Variants in DHTKD1 observed in about 807,000 individuals in gnomAD.
DHTKD1 encodes 2-oxoadipate dehydrogenase complex component E1.
Under a neutral mutation model 101.8 loss-of-function variants are expected in DHTKD1, and 78 were observed. The ratio of observed to expected loss-of-function variants is 0.77; its 90% confidence interval spans 0.64 to 0.93. The LOEUF (loss-of-function observed/expected upper bound fraction) is 0.93. Ranked by LOEUF, DHTKD1 falls within the 40% of genes least tolerant of loss-of-function variation. The pLI is 0.00. For synonymous variants in DHTKD1, 462 were observed against 450.3 expected (o/e 1.03, Z -0.33); for missense variants, 1,223 against 1,161.7 (o/e 1.05, Z -0.77).
At chr10:12,070,375 C>T (rs2131343414) in intron 1 of DHTKD1, among the ~76,000 whole-genome samples, 1 of 152,284 alleles carries the variant, frequency 6.6e-6, no homozygotes, top group South Asian at 2.1e-4. Flanking sequence ...TGAAGATCCC[C>T]TTCGGCATCT....
In DHTKD1 at chr10:12,087,318, A is replaced by G. The variant is rs1008038702; in HGVS notation, c.523-217A>G. Among the ~76,000 whole-genome samples, 1 of 152,106 alleles carries G rather than the reference A, an allele frequency of 6.6e-6. No homozygotes were observed. Among genetic ancestry groups the G allele is most frequent in the African/African-American group, 2.4e-5 (1 of 41,420 alleles). ...CTTGGGGTGAGTTATTCTGCCGCTC[A>G]GGTTATTCTCCTCAGCCCCTCCTAC... On this transcript the variant is annotated intron_variant, in intron 3 of 16. Transcript: ENST00000263035. The surrounding 1 kb of genome is among the most constrained non-coding windows in gnomAD (Gnocchi z 5.2).
At chr10:12,077,060 C>G (rs192332125) in intron 1 of DHTKD1, among the ~76,000 whole-genome samples, 78 of 146,012 alleles carry the variant, frequency 5.3e-4, no homozygotes, top group Middle Eastern at 7.4e-3. Context: ...TGATCAGTTT[C>G]TTTTGTTTAT....
intron 11 of DHTKD1, among the ~76,000 whole-genome samples, chr10:12,106,834 C>T (rs764086384): frequency 6.6e-6 from 1 of 152,182 alleles, no homozygotes; most frequent in Non-Finnish European, 1.5e-5. Context: ...TTATGCTTCT[C>T]TGTAACATTT....
intron 2 of DHTKD1, among the ~76,000 whole-genome samples, chr10:12,082,973 A>T (rs545452762): frequency 9.2e-5 from 14 of 151,782 alleles, no homozygotes; most frequent in Admixed American, 3.3e-4. Context: ...CGTCTCTACT[A>T]AAAAAAATAA....
At position 12,103,491 on chromosome 10, in the gene DHTKD1, C is replaced by CTG. The variant is rs55809304; in HGVS notation, c.1896+2346_1896+2347dup. On this transcript the variant is annotated intron_variant, in intron 10 of 16. Transcript: ENST00000263035. This position sits in a 1 kb window ranked among gnomAD's most constrained non-coding sequence, Gnocchi z 4.8. ...CCCCAACTTCGTTGTACATCTCAAT[C>CTG]TGTGTGTGTGTGTGTGTGTGTGTGT... is the stretch of plus-strand genomic sequence containing the variant. 5.2e-3 allele frequency among the ~76,000 whole-genome samples: 757 copies of CTG among 144,990 alleles called. 9 individuals are homozygous for CTG. Among genetic ancestry groups the CTG allele is most frequent in the African/African-American group, 0.016 (629 of 39,374 alleles).
rs1554790544 is a variant in DHTKD1 at position 12,076,995 on chromosome 10, A to AAG, written c.155-4477_155-4476insAG. On this transcript the variant is annotated intron_variant, in intron 1 of 16. Transcript: ENST00000263035. ...TCTGATAAAAAAAAAAAAAAAAAAA[A>AAG]GGAAGAAAAAAGAACAAGTCGGCAA... Among the ~76,000 whole-genome samples the AAG allele has an allele frequency of 2.7e-4, 34 of 128,102 alleles. 1 individual carries two copies. The highest frequency in any genetic ancestry group is 3.6e-4 in the Non-Finnish European group (22 of 60,806). 84.0% of individuals were successfully genotyped at this position (128,102 alleles called of 152,430 possible). A position where few individuals can be genotyped will look rare whatever the true frequency, so the allele number is the denominator to read the frequency against.
At chr10:12,100,647 A>G (rs1326867083) in intron 9 of DHTKD1, among the ~76,000 whole-genome samples, 7 of 152,084 alleles carry the variant, frequency 4.6e-5, no homozygotes, top group Non-Finnish European at 4.4e-5. Context: ...TTTGAGTTAT[A>G]ACTACCTCCC....
chr10:12,090,946 C>T (rs1244469756), intron 5 of DHTKD1, among the ~76,000 whole-genome samples: 3 of 151,920 alleles, frequency 2.0e-5, no homozygotes, highest in Admixed American at 6.6e-5. Flanking sequence ...CCCAGCTACT[C>T]GGGAGGCTGA....
At chr10:12,078,914 C>CTCGGT (rs1402490704) in intron 1 of DHTKD1, among the ~76,000 whole-genome samples, 1 of 152,060 alleles carries the variant, frequency 6.6e-6, no homozygotes, top group Non-Finnish European at 1.5e-5. Context: ...ACCCACTGGC[C>CTCGGT]TCGGCCTCTA....
At chr10:12,073,591 C>T (rs1215335499) in intron 1 of DHTKD1, among the ~76,000 whole-genome samples, 1 of 152,152 alleles carries the variant, frequency 6.6e-6, no homozygotes, top group Admixed American at 6.6e-5. Flanking sequence ...AGCCATCTGC[C>T]CTCAACCAGG....
At chr10:12,096,876 T>C (rs1238807883) in intron 7 of DHTKD1, among the ~76,000 whole-genome samples, 2 of 152,128 alleles carry the variant, frequency 1.3e-5, no homozygotes, top group Non-Finnish European at 2.9e-5. Flanking sequence ...CCTTTTTAGA[T>C]AAAGGGGGGT....
rs200355418 is a variant in DHTKD1 at position 12,113,063 on chromosome 10, C to T, written c.2318C>T (p.Pro773Leu). 159 of 1,602,272 alleles carry T rather than the reference C, an allele frequency of 9.9e-5. 1 individual carries two copies. Among genetic ancestry groups the T allele is most frequent in the South Asian group, 2.0e-4 (18 of 88,962 alleles). Residue 773 changes from proline (P) to leucine (L), a missense_variant and splice_region_variant, in exon 13 of 17, where the codon CCG (proline) becomes CTG (leucine). By Grantham distance (98) the Pro-to-Leu change is moderately conservative. Transcript: ENST00000263035. ...VASPKMLLRL[P>L]AAVSTLQEMA... ...TCCCCTAAGATGTTACTCAGGCTCCCGGTAAGCAGAAGGTGGTGAATAAGC... is the reference window on the plus strand; with the variant it reads ...TCCCCTAAGATGTTACTCAGGCTCCTGGTAAGCAGAAGGTGGTGAATAAGC...
chr10:12,106,172 C>T (rs377335234), intron 10 of DHTKD1, 74 bp from the exon 11 acceptor site: 44 of 1,511,762 alleles, frequency 2.9e-5, no homozygotes, highest in East Asian at 1.8e-4. Context: ...CACCTCCCTT[C>T]GATAAGTTCG....
intron 2 of DHTKD1, among the ~76,000 whole-genome samples, chr10:12,084,109 G>A (rs1832864766): frequency 6.6e-6 from 1 of 151,984 alleles, no homozygotes; most frequent in African/African-American, 2.4e-5. Flanking sequence ...TTTTAGTAGA[G>A]ACGGAGTTTT....
At chr10:12,108,360 AC>A (rs1259030039) in intron 12 of DHTKD1, among the ~76,000 whole-genome samples, 1 of 151,882 alleles carries the variant, frequency 6.6e-6, no homozygotes, top group African/African-American at 2.4e-5. Flanking sequence ...GCTCACTGCA[AC>A]CTCTGCCTCT....
At chr10:12,071,177 A>G (rs944892363) in intron 1 of DHTKD1, among the ~76,000 whole-genome samples, 3 of 152,276 alleles carry the variant, frequency 2.0e-5, no homozygotes, top group East Asian at 1.9e-4. Context: ...AAGAGAAGGG[A>G]TATCTTCTTT....
chr10:12,078,094 G>A (rs1232121623), intron 1 of DHTKD1, among the ~76,000 whole-genome samples: 1 of 152,048 alleles, frequency 6.6e-6, no homozygotes. Flanking sequence ...CAGTATTCTA[G>A]TGTATCATTA....
chr10:12,090,343 A>T (rs1265144049), intron 5 of DHTKD1, among the ~76,000 whole-genome samples: 1 of 152,014 alleles, frequency 6.6e-6, no homozygotes, highest in Non-Finnish European at 1.5e-5. Flanking sequence ...ATTGGATTTC[A>T]TTATGATATG....
At chr10:12,082,960 C>G (rs566382555) in intron 2 of DHTKD1, among the ~76,000 whole-genome samples, 1 of 151,920 alleles carries the variant, frequency 6.6e-6, no homozygotes, top group Non-Finnish European at 1.5e-5. Flanking sequence ...CACAGTGAAA[C>G]CCCGTCTCTA....
Sources: gnomAD v4.1 joint callset for allele counts (sites outside exome capture counted in the v4.1 genomes callset) on GRCh38, gnomAD v4.1.1 for gene constraint, Gnocchi (gnomAD v3.1) non-coding constraint, MANE v1.5 for transcripts, NCBI Gene and HGNC (gene_info 2026-07-23, HGNC 2026-07-21) for gene names.